The following FOXM1 variants were observed in gnomAD, a reference collection of about 807,000 sequenced individuals.
FOXM1 encodes the protein forkhead box protein M1.
In FOXM1, 25 loss-of-function variants were observed where a neutral mutation model predicts 63.6. The ratio of observed to expected loss-of-function variants is 0.39; its 90% CI spans 0.29 to 0.55. FOXM1 has a LOEUF of 0.55. FOXM1 is among the 20% of genes least tolerant of loss of function. The pLI, the probability that FOXM1 is intolerant of heterozygous loss-of-function variation, is 0.60. For synonymous variants in FOXM1, 387 were observed against 376.9 expected (o/e 1.03, Z -0.31); for missense variants, 879 against 958.7 (o/e 0.92, Z 1.10).
intron 8 of FOXM1, chr12:2,861,413 C>A: frequency 1.7e-6 from 1 of 596,576 alleles, no homozygotes; most frequent in East Asian, 3.0e-5. Context: ...CCCCAAAAAC[C>A]TATGGAAATA....
Position 2,874,151 on chromosome 12 carries a change from TGATGAG to T in FOXM1, c.322_327del (p.Leu108_Ile109del). 6.2e-7 allele frequency: 1 copy of T among 1,614,180 alleles called. No individual in the cohort carries two copies. Among genetic ancestry groups the T allele is most frequent in the Non-Finnish European group, 8.5e-7 (1 of 1,180,040 alleles). ...GGCTGAGTTGGGGCTCCCCCACAGC[TGATGAG>T]GATGAATTTGTTGGGCCCACTACTG... On this transcript the variant is annotated inframe_deletion, in exon 2 of 9. Coordinates refer to ENST00000359843, the MANE Select transcript of FOXM1 (RefSeq NM_021953.4). The surrounding 1 kb of genome is among the most constrained non-coding windows in gnomAD (Gnocchi z 4.3).
chr12:2,860,109 C>T (rs895376146), intron 8 of FOXM1, among the ~76,000 whole-genome samples: 2 of 152,022 alleles, frequency 1.3e-5, no homozygotes, highest in African/African-American at 2.4e-5. Context: ...TCTGAGGGTG[C>T]GGGTGACCTT....
Position 2,864,687 on chromosome 12 carries a change from G to T in FOXM1, c.1086C>A (p.Gly362=). Residue 362 remains glycine, a synonymous_variant, in exon 7 of 9, where the codon GGC becomes GGA. Transcript: ENST00000359843. The surrounding 1 kb of genome is among the most constrained non-coding windows in gnomAD (Gnocchi z 5.1). The stretch of plus-strand genomic sequence containing the variant: ...GGCCCACTCTCCCATACTAACGTGC[G>T]CCCAGGGGGAGTTCGGTTTTGATGG... ...NMTIKTELPL[G]ARRKMKPLLP... is the part of the protein sequence containing the mutation. The T allele has an allele frequency of 6.2e-7, 1 of 1,614,098 alleles. No homozygotes were observed. The highest frequency in any genetic ancestry group is 8.5e-7 in the Non-Finnish European group (1 of 1,179,964).
intron 4 of FOXM1, among the ~76,000 whole-genome samples, chr12:2,867,871 G>A (rs2098126240): frequency 1.3e-5 from 2 of 151,340 alleles, no homozygotes; most frequent in African/African-American, 2.4e-5. Flanking sequence ...CCAGCTACTC[G>A]GGAGGCTGAG....
At chr12:2,860,503 GAAAGT>G (rs752516656) in intron 8 of FOXM1, among the ~76,000 whole-genome samples, 195 of 152,120 alleles carry the variant, frequency 1.3e-3, no homozygotes, top group South Asian at 3.3e-3. Flanking sequence ...GAAAAGAAAG[GAAAGT>G]AAAGAGATAA....
chr12:2,861,868 A>G (rs1225262113), intron 8 of FOXM1, among the ~76,000 whole-genome samples: 1 of 152,228 alleles, frequency 6.6e-6, no homozygotes. Flanking sequence ...AAGAAATTCC[A>G]TGAGGCATTG....
At position 2,859,405 on chromosome 12, in the gene FOXM1, G is replaced by C; in HGVS notation, c.1525C>G (p.Pro509Ala). 1 of 1,614,066 alleles carries C rather than the reference G, an allele frequency of 6.2e-7. No individual in the cohort carries two copies. The highest frequency in any genetic ancestry group is 8.5e-7 in the Non-Finnish European group (1 of 1,180,038). ...TAGGACTTCTTGGGTCTTGGGGTGG[G>C]AGATTGGGACGAATCCTCCCAGGAG... ...SHSWEDSSQS[P>A]TPRPKKSYSG... The change falls in exon 9 of 9, where the codon CCC (proline) becomes GCC (alanine). Residue 509 changes from proline to alanine, a missense_variant. This residue lies in a region of FOXM1 where 486 missense variants were observed against 453.5 expected (regional missense o/e 1.07). Transcript: ENST00000359843.
intron 4 of FOXM1, 124 bp downstream of exon 4, chr12:2,868,439 C>T (rs2098127434): frequency 3.0e-6 from 2 of 674,786 alleles, no homozygotes; most frequent in Admixed American, 2.9e-5. Context: ...CTAAAAGATA[C>T]ATTTGTTTAT....
At position 2,868,736 on chromosome 12, in the gene FOXM1, G is replaced by T. The variant is rs1317477087; in HGVS notation, c.673C>A (p.Pro225Thr). 1 of 1,613,084 alleles carries T rather than the reference G, an allele frequency of 6.2e-7. No homozygotes were observed. Among genetic ancestry groups the T allele is most frequent in the Non-Finnish European group, 8.5e-7 (1 of 1,179,524 alleles). ...ACAGAGTTCTGCCAGGACGCTGATGGTCTCGAAGGCTCCTCAACCTGAGGG... is the reference window on the plus strand; with the variant it reads ...ACAGAGTTCTGCCAGGACGCTGATGTTCTCGAAGGCTCCTCAACCTGAGGG... ...RQVKVEEPSR[P>T]SASWQNSVSE... The change falls in exon 4 of 9, where the codon CCA (proline) becomes ACA (threonine). Residue 225 changes from proline (P) to threonine (T), a missense_variant. Transcript: ENST00000359843.
At position 2,859,241 on chromosome 12, in the gene FOXM1, T is replaced by G; in HGVS notation, c.1689A>C (p.Ser563=). The change falls in exon 9 of 9, where the codon TCA becomes TCC. Residue 563 remains serine, a synonymous_variant. Transcript: ENST00000359843. ...CCCAGCGGGAAGTACTGGGCCCCTC[T>G]GAGAAGAGCAGCTCCGGCTCATCCA... ...PCVDEPELLF[S]EGPSTSRWAA... The G allele has an allele frequency of 3.1e-6, 5 of 1,613,710 alleles. No homozygotes were observed. The highest frequency in any genetic ancestry group is 3.4e-6 in the Non-Finnish European group (4 of 1,179,972).
At chr12:2,876,007 C>T (rs1316625800) in intron 1 of FOXM1, among the ~76,000 whole-genome samples, 1 of 151,874 alleles carries the variant, frequency 6.6e-6, no homozygotes, top group African/African-American at 2.4e-5. Flanking sequence ...GTGATCCACC[C>T]GCCTCGGCCT....
Position 2,859,359 on chromosome 12 carries a change from G to C in FOXM1, c.1571C>G (p.Thr524Ser). 3.1e-6 allele frequency: 5 copies of C among 1,613,886 alleles called. No individual in the cohort carries two copies. The highest frequency in any genetic ancestry group is 4.2e-6 in the Non-Finnish European group (5 of 1,180,008). ...CACAAGCATTTCCGAGACACACCGGGTTGGGGACCTAAGCCCACTGTAGGA... is the reference window on the plus strand; with the variant it reads ...CACAAGCATTTCCGAGACACACCGGCTTGGGGACCTAAGCCCACTGTAGGA... ...KKSYSGLRSP[T>S]RCVSEMLVIQ... The change falls in exon 9 of 9, where the codon ACC becomes AGC. Residue 524 changes from threonine to serine, a missense_variant. Thr to Ser is a moderately conservative substitution (Grantham distance 58). Coordinates refer to ENST00000359843, the MANE Select transcript of FOXM1 (RefSeq NM_021953.4).
intron 8 of FOXM1, 172 bp from the exon 9 acceptor site, chr12:2,859,835 G>A (rs755339782): frequency 1.3e-4 from 75 of 599,760 alleles, no homozygotes; most frequent in Non-Finnish European, 1.5e-4. Flanking sequence ...TAAAAGATGC[G>A]GGTATGTAGT....
In FOXM1 at chr12:2,872,338, A is replaced by G; in HGVS notation, c.503-91T>C. The G allele has an allele frequency of 7.4e-7, 1 of 1,357,754 alleles. No individual in the cohort carries two copies. The highest frequency in any genetic ancestry group is 1.0e-6 in the Non-Finnish European group (1 of 963,748). The allele number at this position is 1,357,754 out of a possible 1,614,324, so 84.1% of individuals were successfully genotyped here. A position where few individuals can be genotyped will look rare whatever the true frequency, so the allele number is the denominator to read the frequency against. On this transcript the variant is annotated intron_variant, in intron 2 of 8. Transcript: ENST00000359843. This position sits in a 1 kb window ranked among gnomAD's most constrained non-coding sequence, Gnocchi z 4.0. ...AATTGGTGGCTAGCAGGCCGGGTGC[A>G]GTGGCTCACACCTGTAATCCTAGCA...
At chr12:2,875,886 G>A (rs942117468) in intron 1 of FOXM1, among the ~76,000 whole-genome samples, 9 of 150,298 alleles carry the variant, frequency 6.0e-5, no homozygotes, top group Admixed American at 2.0e-4. Flanking sequence ...TCAGCCTCCC[G>A]AGTAGCTGCA....
chr12:2,863,757 GC>G (rs1213101802), intron 8 of FOXM1: 1 of 151,592 alleles, frequency 6.6e-6, no homozygotes, highest in Non-Finnish European at 1.5e-5. Flanking sequence ...TGTCACCCAG[GC>G]TGGAGTGCAG....
chr12:2,870,406 T>G (rs1378792660), intron 3 of FOXM1, among the ~76,000 whole-genome samples: 2 of 152,230 alleles, frequency 1.3e-5, no homozygotes, highest in Non-Finnish European at 2.9e-5. Context: ...GGCTCACGCC[T>G]GTAATCCCAA....
chr12:2,862,080 G>A (rs570129541), intron 8 of FOXM1, among the ~76,000 whole-genome samples: 4 of 151,920 alleles, frequency 2.6e-5, no homozygotes, highest in South Asian at 4.2e-4. Flanking sequence ...TCAGGAGGCC[G>A]AGGCAGGAGA....
At chr12:2,860,666 A>T (rs763941925) in intron 8 of FOXM1, among the ~76,000 whole-genome samples, 11 of 151,782 alleles carry the variant, frequency 7.2e-5, no homozygotes, top group Admixed American at 1.3e-4. Flanking sequence ...TGAGGTCAGA[A>T]GTTCGAGACC....
Sources: gnomAD v4.1 joint callset for allele counts (sites outside exome capture counted in the v4.1 genomes callset) on GRCh38, gnomAD v4.1.1 for gene constraint, gnomAD v4.1.1 regional missense constraint, Gnocchi (gnomAD v3.1) non-coding constraint, MANE v1.5 for transcripts, NCBI Gene and HGNC (gene_info 2026-07-23, HGNC 2026-07-21) for gene names.